PODXL: variants seen among roughly 807,000 people sequenced by gnomAD.
PODXL encodes the protein podocalyxin.
A neutral mutation model predicts 48.9 loss-of-function variants in PODXL; 20 were observed. That is an observed-to-expected ratio of 0.41 (90% CI 0.29 to 0.59). The LOEUF is 0.59. PODXL is among the 20% of genes least tolerant of loss of function. The pLI, the probability that PODXL is intolerant of heterozygous loss-of-function variation, is 0.31. For synonymous variants in PODXL, 295 were observed against 287.4 expected (o/e 1.03, Z -0.27); for missense variants, 606 against 675.1 (o/e 0.90, Z 1.13).
rs1041370027 is a variant in PODXL at position 131,502,321 on chromosome 7, C to T, written c.*1990G>A. Reference sequence around the variant, plus strand: ...CACTGTTCTCCATCCTGCCCACCTCCAAACACTAGAGCATCGGGGCAGATG... The same window carrying T: ...CACTGTTCTCCATCCTGCCCACCTCTAAACACTAGAGCATCGGGGCAGATG... On this transcript the variant is annotated 3_prime_UTR_variant, in exon 9 of 9. Coordinates refer to ENST00000378555, the MANE Select transcript of PODXL (RefSeq NM_001018111.3). 2 of 152,186 alleles carry T rather than the reference C, an allele frequency of 1.3e-5. No individual in the cohort carries two copies. The highest frequency in any genetic ancestry group is 4.8e-5 in the African/African-American group (2 of 41,426). 9.4% of individuals were successfully genotyped at this position (152,186 alleles called of 1,614,324 possible). A position where few individuals can be genotyped will look rare whatever the true frequency, so the allele number is the denominator to read the frequency against.
In PODXL at chr7:131,506,742, C is replaced by T. The variant is rs199521757; in HGVS notation, c.1102-16G>A. The stretch of plus-strand genomic sequence containing the variant: ...CGCCCCCTGCCTATGGTGGGGAGAG[C>T]GCAGGTGACTCCGCGGGGAGCGTGA... On this transcript the variant is annotated splice_polypyrimidine_tract_variant and intron_variant, in intron 5 of 8. Coordinates refer to ENST00000378555, the MANE Select transcript of PODXL (RefSeq NM_001018111.3). 3.6e-5 allele frequency: 58 copies of T among 1,613,772 alleles called. No homozygotes were observed. In the Admixed American group the frequency reaches 5.3e-4, roughly 15 times the overall value.
intron 1 of PODXL, among the ~76,000 whole-genome samples, chr7:131,515,807 T>A (rs528511565): frequency 8.0e-4 from 121 of 152,188 alleles, no homozygotes; most frequent in African/African-American, 2.7e-3. Context: ...CTACCACTGC[T>A]CTCCTGTAAG....
intron 1 of PODXL, among the ~76,000 whole-genome samples, chr7:131,536,040 G>A (rs1350260348): frequency 6.6e-6 from 1 of 152,200 alleles, no homozygotes; most frequent in Admixed American, 6.5e-5. Flanking sequence ...TTATAGGCAT[G>A]AGCCACTGTG....
chr7:131,541,484 A>G (rs1321743125), intron 1 of PODXL, among the ~76,000 whole-genome samples: 2 of 151,974 alleles, frequency 1.3e-5, no homozygotes, highest in Non-Finnish European at 2.9e-5. Flanking sequence ...TCAGGAGTTC[A>G]AGACCAGCCT....
chr7:131,516,100 A>C (rs1213308665), intron 1 of PODXL, among the ~76,000 whole-genome samples: 1 of 152,272 alleles, frequency 6.6e-6, no homozygotes, highest in East Asian at 1.9e-4. Flanking sequence ...TGCATAGCAT[A>C]GGTTTTGGAT....
chr7:131,556,126 C>T (rs1194348410), intron 1 of PODXL, 134 bp downstream of exon 1: 39 of 1,219,144 alleles, frequency 3.2e-5, no homozygotes, highest in Non-Finnish European at 3.8e-5. Flanking sequence ...GTCAGGGCTC[C>T]GTGTGTGACC....
chr7:131,532,578 C>T (rs1798300830), intron 1 of PODXL, among the ~76,000 whole-genome samples: 1 of 150,830 alleles, frequency 6.6e-6, no homozygotes, highest in South Asian at 2.1e-4. Flanking sequence ...GGGGTAGTGA[C>T]TCCTGGGGTT....
intron 1 of PODXL, among the ~76,000 whole-genome samples, chr7:131,517,230 T>A (rs890145616): frequency 6.6e-6 from 1 of 152,218 alleles, no homozygotes; most frequent in African/African-American, 2.4e-5. Flanking sequence ...AATAACAGAA[T>A]TTCGTTTCCA....
chr7:131,524,377 CACAGAGAGAG>C (rs368930748), intron 1 of PODXL, among the ~76,000 whole-genome samples: 1,178 of 24,056 alleles, frequency 0.049, 12 homozygotes, highest in Non-Finnish European at 0.068. Flanking sequence ...CACACACACA[CACAGAGAGAG>C]AGAGAGAGAG....
At position 131,536,435 on chromosome 7, in the gene PODXL, G is replaced by A. The variant is rs1619267; in HGVS notation, c.100+19825C>T. On this transcript the variant is annotated intron_variant, in intron 1 of 8. Transcript: ENST00000378555. ...GGGAGGGACCACGACTGTTTCTCTC[G>A]TATCCCTGGCACCTGCACAGAACCC... Among the ~76,000 whole-genome samples, 77,564 of 151,780 alleles carry A rather than the reference G, an allele frequency of 0.51. 20,187 individuals carry two copies. The highest frequency in any genetic ancestry group is 0.64 in the East Asian group (3,308 of 5,152).
chr7:131,543,843 C>T (rs1482928039), intron 1 of PODXL, among the ~76,000 whole-genome samples: 1 of 152,122 alleles, frequency 6.6e-6, no homozygotes, highest in Non-Finnish European at 1.5e-5. Flanking sequence ...ACTGCCTGTC[C>T]CCAGAAGCCA....
In PODXL at chr7:131,500,301, A is replaced by G. The variant is rs186697463; in HGVS notation, c.*4010T>C. Reference sequence around the variant, plus strand: ...ACAAAAACACTTTAATTGACAGTATACAATTTTCCAAAATATATTTTTGTA... The same window carrying G: ...ACAAAAACACTTTAATTGACAGTATGCAATTTTCCAAAATATATTTTTGTA... On this transcript the variant is annotated 3_prime_UTR_variant, in exon 9 of 9. Transcript: ENST00000378555. 32 of 152,686 alleles carry G rather than the reference A, an allele frequency of 2.1e-4. No homozygotes were observed. Among genetic ancestry groups the G allele is most frequent in the African/African-American group, 7.7e-4 (32 of 41,584 alleles). The allele number at this position is 152,686 out of a possible 1,614,324, so 9.5% of individuals were successfully genotyped here.
chr7:131,521,307 G>A (rs1798088627), intron 1 of PODXL, among the ~76,000 whole-genome samples: 1 of 151,412 alleles, frequency 6.6e-6, no homozygotes, highest in Non-Finnish European at 1.5e-5. Flanking sequence ...CCTGGGACAT[G>A]GACAAAGTTC....
chr7:131,525,765 C>A lies in PODXL; in HGVS notation c.101-14332G>T, dbSNP rs545291350. Among the ~76,000 whole-genome samples, 4 of 152,182 alleles carry A rather than the reference C, an allele frequency of 2.6e-5. No individual in the cohort carries two copies. The South Asian group carries it at 8.3e-4, about 32-fold the overall frequency. ...GTTTCTCACAAGGGCATGTCAATTTCAAACCTACTTGACATGTATACTAGG... is the reference window on the plus strand; with the variant it reads ...GTTTCTCACAAGGGCATGTCAATTTAAAACCTACTTGACATGTATACTAGG... On this transcript the variant is annotated intron_variant, in intron 1 of 8. Transcript: ENST00000378555.
chr7:131,511,567 G>A, intron 1 of PODXL, 134 bp from the exon 2 acceptor site: 1 of 826,182 alleles, frequency 1.2e-6, no homozygotes. Flanking sequence ...TGGGTCTTTG[G>A]TGAATCCAGA....
chr7:131,512,582 A>T (rs1797932517), intron 1 of PODXL, among the ~76,000 whole-genome samples: 1 of 152,128 alleles, frequency 6.6e-6, no homozygotes, highest in Non-Finnish European at 1.5e-5. Context: ...GGAGTTTGGT[A>T]AGGAGGGGTC....
chr7:131,505,792 A>T, intron 8 of PODXL, 76 bp downstream of exon 8: 1 of 1,391,768 alleles, frequency 7.2e-7, no homozygotes, highest in Non-Finnish European at 9.7e-7. Context: ...CTCTTCTGCA[A>T]CTCGGGAATC....
chr7:131,511,333 G>A lies in PODXL; in HGVS notation c.201C>T (p.Pro67=), dbSNP rs148889710. Reference sequence around the variant, plus strand: ...CCAAGATTTCGTTGGCCTTGGAAGTGGGGACTGTGCTCTGCTGGGCTGTAT... The same window carrying A: ...CCAAGATTTCGTTGGCCTTGGAAGTAGGGACTGTGCTCTGCTGGGCTGTAT... ...ATDTAQQSTV[P]TSKANEILAS... The change falls in exon 2 of 9, where the codon CCC becomes CCT. Residue 67 remains proline, a synonymous_variant. Coordinates refer to ENST00000378555, the MANE Select transcript of PODXL (RefSeq NM_001018111.3). 1.4e-4 allele frequency: 220 copies of A among 1,613,022 alleles called. No homozygotes were observed. The highest frequency in any genetic ancestry group is 1.1e-3 in the Admixed American group (64 of 60,022).
intron 1 of PODXL, among the ~76,000 whole-genome samples, chr7:131,549,950 T>C (rs1408694054): frequency 6.6e-6 from 1 of 152,222 alleles, no homozygotes; most frequent in African/African-American, 2.4e-5. Flanking sequence ...GGGGACCCTC[T>C]TAGCTGAGGG....
Sources: gnomAD v4.1 joint callset for allele counts (sites outside exome capture counted in the v4.1 genomes callset) on GRCh38, gnomAD v4.1.1 for gene constraint, MANE v1.5 for transcripts, NCBI Gene and HGNC (gene_info 2026-07-23, HGNC 2026-07-21) for gene names.